ANK2: variants seen among roughly 807,000 people sequenced by gnomAD.
The protein encoded by ANK2 is ankyrin 2.
Under a neutral mutation model 360.5 loss-of-function variants are expected in ANK2, and 83 were observed. The ratio of observed to expected loss-of-function variants is 0.23; its 90% CI spans 0.19 to 0.28. The LOEUF (loss-of-function observed/expected upper bound fraction) is 0.28. Ranked by LOEUF, ANK2 falls within the 10% of genes least tolerant of loss-of-function variation. ANK2 has a pLI of 1.00. For missense variants in ANK2, 4,201 were observed against 4,795.7 expected, an observed-to-expected ratio of 0.88 and a Z score of 3.66; for synonymous variants, 1,740 against 1,759.5, an observed-to-expected ratio of 0.99 and a Z score of 0.28.
chr4:113,365,668 GTT>G (rs531215291), intron 41 of ANK2, among the ~76,000 whole-genome samples: 31 of 144,402 alleles, frequency 2.1e-4, no homozygotes, highest in Non-Finnish European at 2.3e-4. Flanking sequence ...CTCTAACACT[GTT>G]TTTTTTTTTC....
intron 2 of ANK2, among the ~76,000 whole-genome samples, chr4:112,957,642 G>C (rs1296315319): frequency 6.7e-6 from 1 of 150,302 alleles, no homozygotes; most frequent in Admixed American, 6.6e-5. Context: ...CCGGGCGGGG[G>C]GCTGACCCCC....
intron 2 of ANK2, among the ~76,000 whole-genome samples, chr4:112,918,938 G>T (rs2090713406): frequency 6.6e-6 from 1 of 152,130 alleles, no homozygotes; most frequent in South Asian, 2.1e-4. Context: ...TAGCTAATCA[G>T]GGGTGGTAAT....
At chr4:112,741,645 T>G in the ANK2 span, among the ~76,000 whole-genome samples, 1 of 152,230 alleles carries the variant, frequency 6.6e-6, no homozygotes, top group African/African-American at 2.4e-5. Flanking sequence ...TTGGATTTCA[T>G]TATTCTTCAT....
chr4:112,969,926 G>A (rs1408015216), intron 2 of ANK2, among the ~76,000 whole-genome samples: 2 of 152,012 alleles, frequency 1.3e-5, no homozygotes, highest in East Asian at 1.9e-4. Flanking sequence ...TTTGATGCAG[G>A]CCCCTGTCAT....
At chr4:113,307,958 G>A (rs1003581665) in intron 23 of ANK2, among the ~76,000 whole-genome samples, 1 of 152,186 alleles carries the variant, frequency 6.6e-6, no homozygotes, top group South Asian at 2.1e-4. Context: ...TATTAAGTGA[G>A]TAAATAGGTA....
At chr4:113,250,886 C>T (rs2045976057) in intron 10 of ANK2, among the ~76,000 whole-genome samples, 1 of 151,616 alleles carries the variant, frequency 6.6e-6, no homozygotes, top group African/African-American at 2.4e-5. Flanking sequence ...AAAACTAGCC[C>T]ATATGTTTAA....
intron 2 of ANK2, among the ~76,000 whole-genome samples, chr4:112,934,298 T>C (rs2093536255): frequency 6.6e-6 from 1 of 152,204 alleles, no homozygotes; most frequent in African/African-American, 2.4e-5. Context: ...TGCAGAGCCG[T>C]GCTAAGGTGT....
chr4:112,724,489 C>T, the ANK2 span, among the ~76,000 whole-genome samples: 1 of 151,852 alleles, frequency 6.6e-6, no homozygotes, highest in Non-Finnish European at 1.5e-5. Flanking sequence ...TCCTGGCCCT[C>T]ATGGAGTTTA....
intron 2 of ANK2, among the ~76,000 whole-genome samples, chr4:113,017,225 C>A (rs956910010): frequency 1.3e-5 from 2 of 151,936 alleles, no homozygotes; most frequent in African/African-American, 2.4e-5. Flanking sequence ...ATTTTATATT[C>A]CTTGAGTCCA....
rs765079324 is a variant in ANK2, at chr4:113,332,006, A to G, written c.3160A>G (p.Asn1054Asp). 3.1e-5 allele frequency: 50 copies of G among 1,613,832 alleles called. No homozygotes were observed. The highest frequency in any genetic ancestry group is 6.8e-6 in the Non-Finnish European group (8 of 1,179,994). Reference protein sequence around the residue: ...LHLPTAPPPLNEGESLVSRIL... With the variant: ...LHLPTAPPPLDEGESLVSRIL... ...CCTGCCAACGGCTCCTCCCCCACTT[A>G]ATGAGGGAGAAAGTTTGGTCAGCCG... Residue 1054 changes from asparagine to aspartate, a missense_variant, in exon 28 of 46, where the codon AAT (asparagine) becomes GAT (aspartate). Physicochemically the swap from Asn to Asp is conservative, Grantham distance 23. Transcript: ENST00000357077.
chr4:113,233,117 T>G (rs1248806615), intron 5 of ANK2, among the ~76,000 whole-genome samples: 5 of 7,546 alleles, frequency 6.6e-4, no homozygotes, highest in Non-Finnish European at 1.7e-3. Context: ...TTTTTTTTTT[T>G]TTTTTTTTTT....
the ANK2 span, chr4:112,706,846 A>C: frequency 6.6e-6 from 1 of 152,216 alleles, no homozygotes; most frequent in African/African-American, 2.4e-5. Context: ...CAGCACTGCA[A>C]GGAGGAATGC....
chr4:113,213,547 A>C (rs1206482142), intron 4 of ANK2, among the ~76,000 whole-genome samples: 5 of 152,196 alleles, frequency 3.3e-5, no homozygotes, highest in Non-Finnish European at 7.4e-5. Context: ...CTATAATATA[A>C]ATCTTTGATT....
chr4:112,836,060 G>C (rs1380251177), intron 1 of ANK2, among the ~76,000 whole-genome samples: 13 of 152,124 alleles, frequency 8.5e-5, no homozygotes, highest in Admixed American at 7.9e-4. Flanking sequence ...GGCTGATATG[G>C]TTTGGCTTTG....
rs140761981 is a variant in ANK2 at position 113,282,689 on chromosome 4, G to A, written c.1896G>A (p.Pro632=). The A allele has an allele frequency of 3.0e-5, 48 of 1,612,414 alleles. No homozygotes were observed. The highest frequency in any genetic ancestry group is 8.0e-5 in the African/African-American group (6 of 74,820). Residue 632 remains proline (P), a synonymous_variant, in exon 18 of 46, where the codon CCG becomes CCA. Coordinates refer to ENST00000357077, the MANE Select transcript of ANK2 (RefSeq NM_001148.6). ...PHATAKNGYT[P]LHIAAKKNQM... ...GTTCTTTTTAGAATGGCTATACTCC[G>A]TTACATATTGCTGCCAAGAAGAATC...
the ANK2 span, among the ~76,000 whole-genome samples, chr4:112,740,807 C>T: frequency 1.3e-5 from 2 of 151,932 alleles, no homozygotes; most frequent in Non-Finnish European, 2.9e-5. Context: ...CTGGCCAACA[C>T]GGTGAAACCC....
chr4:112,787,820 G>A, the ANK2 span, among the ~76,000 whole-genome samples: 3 of 152,126 alleles, frequency 2.0e-5, no homozygotes, highest in Non-Finnish European at 4.4e-5. Flanking sequence ...TGCATTTGCT[G>A]GCACCTCTCC....
intron 1 of ANK2, among the ~76,000 whole-genome samples, chr4:113,125,657 C>A (rs2095622030): frequency 6.6e-6 from 1 of 152,106 alleles, no homozygotes; most frequent in Non-Finnish European, 1.5e-5. Context: ...GCTTCTGTGT[C>A]ATTTTAATTG....
intron 1 of ANK2, among the ~76,000 whole-genome samples, chr4:113,173,773 G>A (rs1562610228): frequency 6.6e-6 from 1 of 152,122 alleles, no homozygotes; most frequent in Non-Finnish European, 1.5e-5. Flanking sequence ...ATTATGTCAG[G>A]TGGTTTAAAT....
Sources: gnomAD v4.1 joint callset for allele counts (sites outside exome capture counted in the v4.1 genomes callset) on GRCh38, gnomAD v4.1.1 for gene constraint, MANE v1.5 for transcripts, NCBI Gene and HGNC (gene_info 2026-07-23, HGNC 2026-07-21) for gene names.